GRK5: variants seen among roughly 807,000 people sequenced by gnomAD.
GRK5 encodes the protein g protein-coupled receptor kinase GRK5.
GRK5 carries 40 observed loss-of-function variants against 78.4 expected under a neutral mutation model. That is an observed-to-expected ratio of 0.51 (90% CI 0.40 to 0.66). GRK5 has a LOEUF of 0.66. Among genes scored for constraint, GRK5 ranks in the 30% least tolerant of loss-of-function variants. The pLI, the probability that GRK5 is intolerant of heterozygous loss-of-function variation, is 0.00. For missense variants in GRK5, 598 were observed against 759.9 expected (o/e 0.79, Z 2.50); for synonymous variants, 289 against 296.8 (o/e 0.97, Z 0.27).
chr10:119,254,872 T>C (rs902379425), intron 1 of GRK5, among the ~76,000 whole-genome samples: 1 of 151,982 alleles, frequency 6.6e-6, no homozygotes, highest in African/African-American at 2.4e-5. Flanking sequence ...CTGGCCAATG[T>C]GGTGAAACCC....
intron 4 of GRK5, 83 bp downstream of exon 4, chr10:119,396,855 C>A: frequency 9.7e-7 from 1 of 1,028,164 alleles, no homozygotes; most frequent in Non-Finnish European, 1.5e-6. Context: ...TGCCAGGCCA[C>A]ATGGGGAGCT....
At chr10:119,314,793 T>G (rs1170686989) in intron 1 of GRK5, among the ~76,000 whole-genome samples, 4 of 152,212 alleles carry the variant, frequency 2.6e-5, no homozygotes, top group Non-Finnish European at 5.9e-5. Flanking sequence ...GCTCCAGCAC[T>G]CTGGGGCAGC....
chr10:119,320,962 C>T (rs1400519609), intron 1 of GRK5, among the ~76,000 whole-genome samples: 3 of 152,228 alleles, frequency 2.0e-5, no homozygotes, highest in Non-Finnish European at 4.4e-5. Context: ...CATGGCTGGG[C>T]CCTGCCCCCT....
Position 119,326,496 on chromosome 10 carries a change from CT to C in GRK5, c.53-15del, listed in dbSNP as rs1850681530. The C allele has an allele frequency of 3.1e-6, 5 of 1,605,776 alleles. No individual in the cohort carries two copies. Among genetic ancestry groups the C allele is most frequent in the East Asian group, 4.5e-5 (2 of 44,832 alleles). On this transcript the variant is annotated intron_variant, in intron 1 of 15. Transcript: ENST00000392870. ...AGGCTCTGGAGCCTCAGCCAGGCAT[CT>C]TTTTCCCCATCTCTGCAGGGGGCGG...
At chr10:119,274,883 T>C (rs1849643110) in intron 1 of GRK5, among the ~76,000 whole-genome samples, 1 of 152,172 alleles carries the variant, frequency 6.6e-6, no homozygotes, top group South Asian at 2.1e-4. Context: ...GTACCTATTG[T>C]TATGAGAGAG....
chr10:119,255,056 A>AC (rs917943916), intron 1 of GRK5, among the ~76,000 whole-genome samples: 3 of 148,668 alleles, frequency 2.0e-5, no homozygotes, highest in African/African-American at 7.4e-5. Context: ...AAAAAAAAAA[A>AC]AGAAGGAAAA....
At chr10:119,394,628 GGT>G (rs1418155225) in intron 3 of GRK5, among the ~76,000 whole-genome samples, 2 of 3,604 alleles carry the variant, frequency 5.5e-4, no homozygotes, top group African/African-American at 1.1e-3. Flanking sequence ...TGGGTGTGTG[GGT>G]GTGTGTGTGG....
intron 1 of GRK5, chr10:119,208,453 GTTTC>G (rs1848427247): frequency 6.3e-6 from 1 of 158,196 alleles, no homozygotes; most frequent in African/African-American, 2.4e-5. Context: ...CCGCTGGGAT[GTTTC>G]TTAGGGAAAT....
chr10:119,330,683 C>T (rs974488899), intron 2 of GRK5, among the ~76,000 whole-genome samples: 5 of 152,066 alleles, frequency 3.3e-5, no homozygotes, highest in African/African-American at 1.2e-4. Context: ...ACTAGCCCTG[C>T]CAAGGCCTGG....
intron 10 of GRK5, among the ~76,000 whole-genome samples, chr10:119,440,829 G>C (rs2133905628): frequency 6.6e-6 from 1 of 152,160 alleles, no homozygotes; most frequent in Admixed American, 6.5e-5. Flanking sequence ...GGGATTACAG[G>C]CATGAGCCAC....
intron 1 of GRK5, among the ~76,000 whole-genome samples, chr10:119,239,236 G>GTT (rs569617800): frequency 2.2e-4 from 30 of 138,810 alleles, no homozygotes; most frequent in African/African-American, 2.9e-4. Flanking sequence ...GGAGCAGAAG[G>GTT]TTTTTTTTTT....
In GRK5 at chr10:119,274,170, A is replaced by G. The variant is rs146721245; in HGVS notation, c.53-52346A>G. 3.6e-3 allele frequency among the ~76,000 whole-genome samples: 541 copies of G among 152,210 alleles called. 4 individuals are homozygous for G. Among genetic ancestry groups the G allele is most frequent in the African/African-American group, 0.012 (507 of 41,510 alleles). On this transcript the variant is annotated intron_variant, in intron 1 of 15. Coordinates refer to ENST00000392870, the MANE Select transcript of GRK5 (RefSeq NM_005308.3). Reference sequence around the variant, plus strand: ...AGCATCTGATTGGAGACTGGTCCCAACCCACCCATGCCGCTGAGGAGGGGA... The same window carrying G: ...AGCATCTGATTGGAGACTGGTCCCAGCCCACCCATGCCGCTGAGGAGGGGA...
rs547257505 is a variant in GRK5 at position 119,393,342 on chromosome 10, G to A, written c.262-3353G>A. On this transcript the variant is annotated intron_variant, in intron 3 of 15. Transcript: ENST00000392870. ...CCCATCCACCGGCGGGGCCTCTGCCGGGAGGCAGGTGACCTGAAAGGGATG... is the reference window on the plus strand; with the variant it reads ...CCCATCCACCGGCGGGGCCTCTGCCAGGAGGCAGGTGACCTGAAAGGGATG... 1.6e-4 allele frequency among the ~76,000 whole-genome samples: 25 copies of A among 152,376 alleles called. No individual in the cohort carries two copies. In the East Asian group the frequency reaches 1.7e-3, roughly 11 times the overall value.
chr10:119,294,831 G>T (rs1564880756), intron 1 of GRK5, among the ~76,000 whole-genome samples: 2 of 152,120 alleles, frequency 1.3e-5, no homozygotes, highest in Non-Finnish European at 2.9e-5. Context: ...GGCAGAACAG[G>T]GTAGTCTTGA....
chr10:119,331,073 G>C (rs1332649896), intron 2 of GRK5, among the ~76,000 whole-genome samples: 1 of 152,152 alleles, frequency 6.6e-6, no homozygotes, highest in East Asian at 1.9e-4. Context: ...TTCCACTGTG[G>C]GGGACCTGGG....
chr10:119,410,053 GC>G (rs1246313842), intron 4 of GRK5, among the ~76,000 whole-genome samples: 2 of 152,268 alleles, frequency 1.3e-5, no homozygotes, highest in Admixed American at 6.5e-5. Flanking sequence ...GCCCCCGCGT[GC>G]GCGGCCTGTG....
intron 1 of GRK5, among the ~76,000 whole-genome samples, chr10:119,316,090 G>A (rs1343325286): frequency 6.6e-6 from 1 of 152,140 alleles, no homozygotes; most frequent in Non-Finnish European, 1.5e-5. Flanking sequence ...TCTGGAAATG[G>A]GGGTGATAGT....
At chr10:119,286,268 C>G (rs1260137434) in intron 1 of GRK5, among the ~76,000 whole-genome samples, 1 of 152,238 alleles carries the variant, frequency 6.6e-6, no homozygotes, top group Non-Finnish European at 1.5e-5. Flanking sequence ...AATTTGAGCT[C>G]ACTGTTACAG....
At chr10:119,313,340 G>A (rs1001130813) in intron 1 of GRK5, among the ~76,000 whole-genome samples, 2 of 151,654 alleles carry the variant, frequency 1.3e-5, no homozygotes, top group Non-Finnish European at 2.9e-5. Flanking sequence ...TGGTGGTGAT[G>A]GGGAGGGTGG....
Sources: gnomAD v4.1 joint callset for allele counts (sites outside exome capture counted in the v4.1 genomes callset) on GRCh38, gnomAD v4.1.1 for gene constraint, MANE v1.5 for transcripts, NCBI Gene and HGNC (gene_info 2026-07-23, HGNC 2026-07-21) for gene names.